The following RBFOX1 variants were observed in gnomAD, a reference collection of about 807,000 sequenced individuals.
RBFOX1 encodes the protein RNA binding fox-1 homolog 1, also known as RNA binding protein fox-1 homolog 1.
In RBFOX1, 8 loss-of-function variants were observed where a neutral mutation model predicts 57.7. The ratio of observed to expected loss-of-function variants is 0.14; its 90% confidence interval spans 0.08 to 0.25. RBFOX1 has a LOEUF of 0.25. RBFOX1 is among the 10% of genes least tolerant of loss of function. The pLI is 1.00. For missense variants in RBFOX1, 611 were observed against 548.5 expected (o/e 1.11, Z -1.14); for synonymous variants, 326 against 222.4 (o/e 1.47, Z -4.15).
intron 4 of RBFOX1, among the ~76,000 whole-genome samples, chr16:7,252,084 A>G (rs1391299903): frequency 6.6e-6 from 1 of 152,214 alleles, no homozygotes; most frequent in Admixed American, 6.5e-5. Flanking sequence ...TGGTTACTGA[A>G]TTTGAAATTC....
intron 3 of RBFOX1, among the ~76,000 whole-genome samples, chr16:5,825,861 A>G (rs1008553147): frequency 7.9e-6 from 1 of 126,440 alleles, no homozygotes; most frequent in South Asian, 3.0e-4. Flanking sequence ...CGTAATATGA[A>G]TAAGGAATAA....
chr16:5,358,987 C>T (rs565620995), intron 1 of RBFOX1, among the ~76,000 whole-genome samples: 2 of 152,294 alleles, frequency 1.3e-5, no homozygotes, highest in Admixed American at 6.5e-5. Context: ...CCTCTGGTGG[C>T]CATCCTTCTA....
intron 4 of RBFOX1, among the ~76,000 whole-genome samples, chr16:7,116,295 T>G (rs1376488033): frequency 6.6e-6 from 1 of 152,154 alleles, no homozygotes; most frequent in Non-Finnish European, 1.5e-5. Context: ...TATCTGCCTC[T>G]GAAAGCCTAG....
chr16:7,119,639 C>A (rs80160637), intron 4 of RBFOX1, among the ~76,000 whole-genome samples: 1,906 of 151,848 alleles, frequency 0.013, 22 homozygotes, highest in Non-Finnish European at 0.021. Flanking sequence ...ATAAGAGGGC[C>A]AAGTCACCAA....
intron 3 of RBFOX1, among the ~76,000 whole-genome samples, chr16:6,841,957 T>C (rs1173774200): frequency 6.9e-6 from 1 of 145,324 alleles, no homozygotes; most frequent in African/African-American, 2.6e-5. Flanking sequence ...GCTAATACGG[T>C]GAAACCCCGT....
At chr16:5,241,234 G>A (rs932903736) in intron 1 of RBFOX1, among the ~76,000 whole-genome samples, 9 of 152,124 alleles carry the variant, frequency 5.9e-5, no homozygotes, top group Non-Finnish European at 7.4e-5. Context: ...TCATCTCCCC[G>A]TGCACGTTAC....
chr16:6,245,549 A>G (rs1038547613), intron 1 of RBFOX1, among the ~76,000 whole-genome samples: 7 of 152,152 alleles, frequency 4.6e-5, no homozygotes, highest in East Asian at 1.9e-4. Context: ...AACATCTAGC[A>G]GGTTTTACGG....
chr16:7,098,717 A>G (rs937690399), intron 4 of RBFOX1, among the ~76,000 whole-genome samples: 3 of 152,080 alleles, frequency 2.0e-5, no homozygotes, highest in Non-Finnish European at 2.9e-5. Flanking sequence ...TTGGAAACTG[A>G]GGCAGGAGGA....
chr16:6,168,906 A>G (rs1598005191), intron 1 of RBFOX1, among the ~76,000 whole-genome samples: 1 of 151,892 alleles, frequency 6.6e-6, no homozygotes, highest in East Asian at 1.9e-4. Context: ...TGGCTGAGGC[A>G]TCCCAGCAGG....
intron 3 of RBFOX1, among the ~76,000 whole-genome samples, chr16:6,700,689 A>C (rs2061689739): frequency 6.6e-6 from 1 of 152,168 alleles, no homozygotes; most frequent in Non-Finnish European, 1.5e-5. Context: ...ATTTTTTAAA[A>C]ATTACCATAA....
rs907229417 is a variant in RBFOX1, at chr16:6,485,349, C to A, written c.-64+168292C>A. Among the ~76,000 whole-genome samples the A allele has an allele frequency of 2.7e-5, 4 of 149,630 alleles. No individual in the cohort carries two copies. The East Asian group carries it at 5.8e-4, about 22-fold the overall frequency. The stretch of plus-strand genomic sequence containing the variant: ...AAGGAGCTCCTCCCTCCCTCTCTTA[C>A]CCCTCTTCTCTTCTCTCTCTTGGTC... On this transcript the variant is annotated intron_variant, in intron 2 of 15. Transcript: ENST00000550418.
chr16:5,886,368 T>G (rs1469984833), intron 4 of RBFOX1, among the ~76,000 whole-genome samples: 1 of 152,150 alleles, frequency 6.6e-6, no homozygotes, highest in Non-Finnish European at 1.5e-5. Context: ...CCCAGCAAAG[T>G]AAGGCTTTAA....
At chr16:5,651,113 C>T (rs1031299135) in intron 3 of RBFOX1, among the ~76,000 whole-genome samples, 9 of 119,192 alleles carry the variant, frequency 7.6e-5, no homozygotes, top group African/African-American at 2.3e-4. Context: ...AGTGCAGTGG[C>T]GTGATCTCAG....
intron 3 of RBFOX1, among the ~76,000 whole-genome samples, chr16:6,967,420 G>A (rs1032933271): frequency 6.6e-6 from 1 of 152,162 alleles, no homozygotes; most frequent in Non-Finnish European, 1.5e-5. Flanking sequence ...GTTGAAGCCA[G>A]TTCCAAAAAG....
Position 7,029,069 on chromosome 16 carries a change from TATATATATATATACAC to T in RBFOX1, c.-15-22986_-15-22971del, listed in dbSNP as rs1233871537. On this transcript the variant is annotated intron_variant, in intron 3 of 15. Transcript: ENST00000550418. ...AGCTATATATATATATATATATATATATATATATATATACACACACACACACACACACACACACACA... is the reference window on the plus strand; with the variant it reads ...AGCTATATATATATATATATATATATACACACACACACACACACACACACA... Among the ~76,000 whole-genome samples, 83 of 55,588 alleles carry T rather than the reference TATATATATATATACAC, an allele frequency of 1.5e-3. 3 individuals carry two copies. The highest frequency in any genetic ancestry group is 0.01 in the African/African-American group (71 of 7,094). The allele number at this position is 55,588 out of a possible 152,430, so 36.5% of individuals were successfully genotyped here. A position where few individuals can be genotyped will look rare whatever the true frequency, so the allele number is the denominator to read the frequency against.
At position 7,583,862 on chromosome 16, in the gene RBFOX1, C is replaced by G. The variant is rs1371800129; in HGVS notation, c.415-3385C>G. 2.0e-5 allele frequency among the ~76,000 whole-genome samples: 3 copies of G among 152,062 alleles called. No homozygotes were observed. The South Asian group carries it at 6.2e-4, about 32-fold the overall frequency. ...ACCACACCAAAACAAAATATAGGTC[C>G]TCTGGGCAGGAAAATGGTCCACTAA... On this transcript the variant is annotated intron_variant, in intron 6 of 15. Transcript: ENST00000550418.
intron 10 of RBFOX1, among the ~76,000 whole-genome samples, chr16:7,627,565 T>G (rs1411396005): frequency 9.2e-5 from 14 of 152,168 alleles, no homozygotes; most frequent in Admixed American, 7.9e-4. Context: ...TCCAGCTCAG[T>G]GGACTCAATG....
intron 2 of RBFOX1, among the ~76,000 whole-genome samples, chr16:6,615,120 A>G (rs1209971006): frequency 6.6e-6 from 1 of 152,186 alleles, no homozygotes; most frequent in African/African-American, 2.4e-5. Context: ...AGGCAAACTC[A>G]TTGTATAAAA....
intron 14 of RBFOX1, among the ~76,000 whole-genome samples, chr16:7,708,287 G>A (rs565531829): frequency 6.6e-6 from 1 of 152,146 alleles, no homozygotes; most frequent in African/African-American, 2.4e-5. Flanking sequence ...TAGGCATTCA[G>A]CACGTTTGGT....
Sources: gnomAD v4.1 joint callset for allele counts (sites outside exome capture counted in the v4.1 genomes callset) on GRCh38, gnomAD v4.1.1 for gene constraint, MANE v1.5 for transcripts, NCBI Gene and HGNC (gene_info 2026-07-23, HGNC 2026-07-21) for gene names.